Variants in KCND2 observed in about 807,000 individuals in gnomAD.
KCND2 encodes the protein A-type voltage-gated potassium channel KCND2.
In KCND2, 16 loss-of-function variants were observed where a neutral mutation model predicts 54.4. The ratio of observed to expected loss-of-function variants is 0.29; its 90% CI spans 0.20 to 0.45. KCND2 has a LOEUF of 0.45. Among genes scored for constraint, KCND2 ranks in the 20% least tolerant of loss-of-function variants. KCND2 has a pLI of 1.00. For missense variants in KCND2, 486 were observed against 824.2 expected (o/e 0.59, Z 5.02); for synonymous variants, 317 against 310.7 (o/e 1.02, Z -0.21).
chr7:120,440,834 C>G (rs1801936404), intron 1 of KCND2, among the ~76,000 whole-genome samples: 1 of 151,958 alleles, frequency 6.6e-6, no homozygotes, highest in Non-Finnish European at 1.5e-5. Flanking sequence ...TTATTTTATT[C>G]TTGCAAAATA....
At position 120,274,452 on chromosome 7, in the gene KCND2, A is replaced by G; in HGVS notation, c.-181A>G. ...TATTCCAAATACCTGTCTTGGAGGGAAAGTTGCCCTTCTGAGAACTGTGAC... is the reference window on the plus strand; with the variant it reads ...TATTCCAAATACCTGTCTTGGAGGGGAAGTTGCCCTTCTGAGAACTGTGAC... On this transcript the variant is annotated 5_prime_UTR_variant, in exon 1 of 6. Coordinates refer to ENST00000331113, the MANE Select transcript of KCND2 (RefSeq NM_012281.3). The G allele has an allele frequency of 8.4e-6, 6 of 710,802 alleles. No individual in the cohort carries two copies. Among genetic ancestry groups the G allele is most frequent in the South Asian group, 8.4e-5 (5 of 59,420 alleles). 44.0% of individuals were successfully genotyped at this position (710,802 alleles called of 1,614,324 possible).
At chr7:120,319,277 T>C (rs543724967) in intron 1 of KCND2, among the ~76,000 whole-genome samples, 1 of 152,034 alleles carries the variant, frequency 6.6e-6, no homozygotes, top group Non-Finnish European at 1.5e-5. Context: ...CATTGTGGAG[T>C]AACAAGGGCA....
chr7:120,708,017 G>A (rs755234622), intron 1 of KCND2, among the ~76,000 whole-genome samples: 3 of 151,920 alleles, frequency 2.0e-5, no homozygotes, highest in Non-Finnish European at 4.4e-5. Flanking sequence ...AGGTAAAAAA[G>A]CTTCATTAAG....
chr7:120,438,194 G>A (rs1801897854), intron 1 of KCND2, among the ~76,000 whole-genome samples: 1 of 152,184 alleles, frequency 6.6e-6, no homozygotes. Context: ...ATATTTGGCA[G>A]CGCATGATCA....
chr7:120,585,777 C>T (rs1417722904), intron 1 of KCND2, among the ~76,000 whole-genome samples: 1 of 152,124 alleles, frequency 6.6e-6, no homozygotes, highest in Non-Finnish European at 1.5e-5. Context: ...AACCAGGGAC[C>T]TGTACCAAAA....
chr7:120,643,175 A>G (rs189724215), intron 1 of KCND2, among the ~76,000 whole-genome samples: 14 of 152,308 alleles, frequency 9.2e-5, no homozygotes, highest in Non-Finnish European at 1.5e-4. Flanking sequence ...TTTTCCACAT[A>G]TAAGTATTTA....
At chr7:120,322,448 A>G (rs1799904370) in intron 1 of KCND2, among the ~76,000 whole-genome samples, 1 of 152,150 alleles carries the variant, frequency 6.6e-6, no homozygotes. Flanking sequence ...TCTGCTAAAC[A>G]TCATTGACAG....
chr7:120,495,513 A>G (rs1197533916), intron 1 of KCND2, among the ~76,000 whole-genome samples: 1 of 152,206 alleles, frequency 6.6e-6, no homozygotes, highest in Non-Finnish European at 1.5e-5. Flanking sequence ...CAGGTTGTGC[A>G]TTAGCATAAT....
intron 1 of KCND2, among the ~76,000 whole-genome samples, chr7:120,723,870 G>GT (rs1434215259): frequency 6.6e-6 from 1 of 152,102 alleles, no homozygotes; most frequent in Non-Finnish European, 1.5e-5. Context: ...AATCATCTAG[G>GT]TTAAAAATGG....
At chr7:120,385,729 G>A (rs1800978317) in intron 1 of KCND2, among the ~76,000 whole-genome samples, 1 of 151,152 alleles carries the variant, frequency 6.6e-6, no homozygotes, top group Admixed American at 6.6e-5. Flanking sequence ...TCTAGTTCAA[G>A]ACAACATTAA....
At chr7:120,592,383 C>T (rs1318234785) in intron 1 of KCND2, among the ~76,000 whole-genome samples, 1 of 152,050 alleles carries the variant, frequency 6.6e-6, no homozygotes, top group African/African-American at 2.4e-5. Context: ...GACACCCCAT[C>T]TCTAAAGATA....
At chr7:120,323,191 C>A (rs1304842574) in intron 1 of KCND2, among the ~76,000 whole-genome samples, 2 of 152,090 alleles carry the variant, frequency 1.3e-5, no homozygotes, top group Non-Finnish European at 2.9e-5. Context: ...GTTCTCCTAC[C>A]TGTGCCCTGT....
intron 1 of KCND2, among the ~76,000 whole-genome samples, chr7:120,355,246 A>G (rs1183632825): frequency 2.0e-5 from 3 of 152,200 alleles, no homozygotes; most frequent in Non-Finnish European, 2.9e-5. Flanking sequence ...CTTTCAGTAG[A>G]GTATTCAATA....
At chr7:120,309,408 T>G (rs1799695254) in intron 1 of KCND2, among the ~76,000 whole-genome samples, 1 of 147,686 alleles carries the variant, frequency 6.8e-6, no homozygotes, top group African/African-American at 2.5e-5. Context: ...GCAATGTGCA[T>G]GAGAATGAGT....
intron 1 of KCND2, among the ~76,000 whole-genome samples, chr7:120,591,116 A>G (rs370658685): frequency 2.0e-5 from 3 of 152,318 alleles, no homozygotes; most frequent in African/African-American, 4.8e-5. Flanking sequence ...TTCCCAGTAT[A>G]TATCACCCAA....
chr7:120,623,624 A>C (rs112680691), intron 1 of KCND2, among the ~76,000 whole-genome samples: 1 of 152,328 alleles, frequency 6.6e-6, no homozygotes, highest in African/African-American at 2.4e-5. Context: ...GTTCTATAGC[A>C]CTTAGCACAA....
At chr7:120,277,893 GGTAA>G (rs1282171350) in intron 1 of KCND2, among the ~76,000 whole-genome samples, 1 of 151,934 alleles carries the variant, frequency 6.6e-6, no homozygotes, top group Non-Finnish European at 1.5e-5. Flanking sequence ...ATGTTTCATA[GGTAA>G]GTAAGTGGAT....
rs150282418 is a variant in KCND2, at chr7:120,328,767, C to T, written c.1115+53020C>T. Reference sequence around the variant, plus strand: ...ATTTTCTGAGCTCATGTATAAGAAACGTAGATTTTAAATGTACATTAGAAA... The same window carrying T: ...ATTTTCTGAGCTCATGTATAAGAAATGTAGATTTTAAATGTACATTAGAAA... On this transcript the variant is annotated intron_variant, in intron 1 of 5. Transcript: ENST00000331113. Among the ~76,000 whole-genome samples, 80 of 152,054 alleles carry T rather than the reference C, an allele frequency of 5.3e-4. 1 individual carries two copies. The highest frequency in any genetic ancestry group is 1.7e-3 in the African/African-American group (69 of 41,500).
At chr7:120,283,113 T>G (rs1452219839) in intron 1 of KCND2, among the ~76,000 whole-genome samples, 1 of 152,178 alleles carries the variant, frequency 6.6e-6, no homozygotes, top group African/African-American at 2.4e-5. Flanking sequence ...AATGACTTTC[T>G]GACTATCTGG....
Sources: allele counts gnomAD v4.1 joint callset (sites outside exome capture counted in the v4.1 genomes callset), GRCh38; gene constraint gnomAD v4.1.1; transcripts MANE v1.5; gene names NCBI Gene and HGNC (gene_info 2026-07-23, HGNC 2026-07-21).